CAMK2A: variants seen among roughly 807,000 people sequenced by gnomAD.
CAMK2A encodes calcium/calmodulin dependent protein kinase II alpha.
In CAMK2A, 7 loss-of-function variants were observed where a neutral mutation model predicts 79.2. That is an observed-to-expected ratio of 0.09 (90% confidence interval 0.05 to 0.17). The LOEUF is 0.17. CAMK2A is among the 10% of genes least tolerant of loss of function. The probability of loss-of-function intolerance (pLI) is 1.00; values close to 1 mark genes in which losing one functional copy is unlikely to be tolerated. For missense variants in CAMK2A, 214 were observed against 646.4 expected (o/e 0.33, Z 7.25); for synonymous variants, 242 against 251.7 (o/e 0.96, Z 0.36).
At position 150,245,217 on chromosome 5, in the gene CAMK2A, AG is replaced by A; in HGVS notation, c.944-17del. ...CTCTTCCCTCCTGTGGAGGAGAAAA[AG>A]TAGAGGGTTAACAACGCCAGGCAGG... On this transcript the variant is annotated splice_polypyrimidine_tract_variant and intron_variant, in intron 12 of 18. Transcript: ENST00000671881. 1 of 1,613,102 alleles carries A rather than the reference AG, an allele frequency of 6.2e-7. No homozygotes were observed. The highest frequency in any genetic ancestry group is 8.5e-7 in the Non-Finnish European group (1 of 1,179,480).
intron 2 of CAMK2A, among the ~76,000 whole-genome samples, chr5:150,270,723 C>T (rs1324418633): frequency 6.6e-6 from 1 of 152,150 alleles, no homozygotes; most frequent in African/African-American, 2.4e-5. Flanking sequence ...CCCTGATAAC[C>T]TCCCCACCCC....
chr5:150,284,226 C>T lies in CAMK2A; in HGVS notation c.62+5338G>A, dbSNP rs1377601418. ...AGAACACAGAGAAAGACAAGCCCTGCTAGCACCATCTTGCTATCCCTGCAC... is the reference window on the plus strand; with the variant it reads ...AGAACACAGAGAAAGACAAGCCCTGTTAGCACCATCTTGCTATCCCTGCAC... On this transcript the variant is annotated intron_variant, in intron 1 of 18. Transcript: ENST00000671881. This position sits in a 1 kb window ranked among gnomAD's most constrained non-coding sequence, Gnocchi z 5.3. 2.0e-5 allele frequency among the ~76,000 whole-genome samples: 3 copies of T among 152,212 alleles called. No individual in the cohort carries two copies. The highest frequency in any genetic ancestry group is 2.1e-4 in the South Asian group (1 of 4,834).
rs1482219553 is a variant in CAMK2A, at chr5:150,284,134, GGAC to G, written c.62+5427_62+5429del. ...TGCAGAAGGGGACTGCAGCAAAGAG[GGAC>G]AGAGACAGAGGCAGAGTGAGACCAG... On this transcript the variant is annotated intron_variant, in intron 1 of 18. Coordinates refer to ENST00000671881, the MANE Select transcript of CAMK2A (RefSeq NM_015981.4). This position sits in a 1 kb window ranked among gnomAD's most constrained non-coding sequence, Gnocchi z 5.3. Among the ~76,000 whole-genome samples, 3 of 152,164 alleles carry G rather than the reference GGAC, an allele frequency of 2.0e-5. No homozygotes were observed. The highest frequency in any genetic ancestry group is 7.2e-5 in the African/African-American group (3 of 41,436).
chr5:150,263,997 C>T (rs77329726), intron 3 of CAMK2A, among the ~76,000 whole-genome samples: 4,579 of 152,202 alleles, frequency 0.03, 234 homozygotes, highest in African/African-American at 0.1. Context: ...GAGAGTTAAC[C>T]CTTGGGGCCC....
chr5:150,262,035 C>T (rs934148231), intron 3 of CAMK2A, among the ~76,000 whole-genome samples: 1 of 152,212 alleles, frequency 6.6e-6, no homozygotes, highest in African/African-American at 2.4e-5. Flanking sequence ...GGCCTTCTGG[C>T]GTCTCCCTCA....
intron 2 of CAMK2A, among the ~76,000 whole-genome samples, chr5:150,268,951 G>C (rs1455255572): frequency 6.6e-6 from 1 of 151,894 alleles, no homozygotes; most frequent in Non-Finnish European, 1.5e-5. Context: ...TTTTAATAGA[G>C]ATGGGGGTCT....
Position 150,256,961 on chromosome 5 carries a change from G to C in CAMK2A, c.273-130C>G. ...CTCAGCCACAAAAGGAGGGGCCCCA[G>C]GGTCACGGGGGTGTCCCCTGCTGCA... On this transcript the variant is annotated intron_variant, in intron 4 of 18. Coordinates refer to ENST00000671881, the MANE Select transcript of CAMK2A (RefSeq NM_015981.4). The surrounding 1 kb of genome is among the most constrained non-coding windows in gnomAD (Gnocchi z 4.6). 1 of 662,538 alleles carries C rather than the reference G, an allele frequency of 1.5e-6. No homozygotes were observed. Among genetic ancestry groups the C allele is most frequent in the Non-Finnish European group, 2.6e-6 (1 of 387,642 alleles). 41.0% of individuals were successfully genotyped at this position (662,538 alleles called of 1,614,324 possible). A position where few individuals can be genotyped will look rare whatever the true frequency, so the allele number is the denominator to read the frequency against.
At chr5:150,237,359 A>T (rs1755124701) in intron 15 of CAMK2A, among the ~76,000 whole-genome samples, 3 of 86,580 alleles carry the variant, frequency 3.5e-5, no homozygotes, top group Non-Finnish European at 5.4e-5. Context: ...CTTTTTTTAT[A>T]TTTCAGAGAC....
chr5:150,264,098 C>G (rs1369184579), intron 3 of CAMK2A, among the ~76,000 whole-genome samples: 2 of 152,164 alleles, frequency 1.3e-5, no homozygotes. Flanking sequence ...GGCCCTGCTC[C>G]TCAGTGCGGT....
intron 1 of CAMK2A, 69 bp from the exon 2 acceptor site, chr5:150,273,228 G>A: frequency 8.3e-7 from 1 of 1,197,874 alleles, no homozygotes. Flanking sequence ...AGATGTTGGA[G>A]TTCACATCAC....
chr5:150,242,367 A>G (rs1298139111), intron 13 of CAMK2A, among the ~76,000 whole-genome samples: 1 of 152,186 alleles, frequency 6.6e-6, no homozygotes, highest in East Asian at 1.9e-4. Flanking sequence ...TAGAAACAGT[A>G]TGGTCAAAAT....
chr5:150,255,128 CTAAT>C (rs1755999651), intron 6 of CAMK2A, among the ~76,000 whole-genome samples: 1 of 152,238 alleles, frequency 6.6e-6, no homozygotes, highest in African/African-American at 2.4e-5. Context: ...GAATGTGTCA[CTAAT>C]TATTATATCC....
chr5:150,279,047 A>G (rs940396682), intron 1 of CAMK2A, among the ~76,000 whole-genome samples: 1 of 152,090 alleles, frequency 6.6e-6, no homozygotes, highest in Non-Finnish European at 1.5e-5. Context: ...TTCATCTACA[A>G]TGTGGAGGCT....
At chr5:150,262,333 G>C (rs1416590346) in intron 3 of CAMK2A, among the ~76,000 whole-genome samples, 4 of 152,188 alleles carry the variant, frequency 2.6e-5, no homozygotes, top group Non-Finnish European at 5.9e-5. Context: ...TTCGGGTTTT[G>C]AGCCCACATC....
intron 3 of CAMK2A, 117 bp downstream of exon 3, chr5:150,264,839 C>G (rs1300965272): frequency 2.6e-6 from 2 of 758,682 alleles, no homozygotes; most frequent in African/African-American, 3.4e-5. Flanking sequence ...TCTGCTGCCT[C>G]CATCCCCAGA....
In CAMK2A at chr5:150,222,693, G is replaced by C. The variant is rs563702310; in HGVS notation, c.*17C>G. 1 of 1,613,786 alleles carries C rather than the reference G, an allele frequency of 6.2e-7. No homozygotes were observed. Among genetic ancestry groups the C allele is most frequent in the South Asian group, 1.1e-5 (1 of 91,068 alleles). Reference sequence around the variant, plus strand: ...GATCTCTGCGGCACAGCAACGCAGCGACCCCAGCCTGGTCCCTCAGCTGTA... The same window carrying C: ...GATCTCTGCGGCACAGCAACGCAGCCACCCCAGCCTGGTCCCTCAGCTGTA... On this transcript the variant is annotated 3_prime_UTR_variant, in exon 19 of 19. Transcript: ENST00000671881.
Position 150,256,535 on chromosome 5 carries a change from G to A in CAMK2A, c.411+38C>T, listed in dbSNP as rs1450499772. The A allele has an allele frequency of 6.8e-7, 1 of 1,480,554 alleles. No individual in the cohort carries two copies. Among genetic ancestry groups the A allele is most frequent in the Non-Finnish European group, 9.4e-7 (1 of 1,060,656 alleles). The allele number at this position is 1,480,554 out of a possible 1,614,324, so 91.7% of individuals were successfully genotyped here. On this transcript the variant is annotated intron_variant, in intron 6 of 18. Coordinates refer to ENST00000671881, the MANE Select transcript of CAMK2A (RefSeq NM_015981.4). The surrounding 1 kb of genome is among the most constrained non-coding windows in gnomAD (Gnocchi z 4.6). Reference sequence around the variant, plus strand: ...TTAGGGACGTGCAGAGGAGAGAGGGGCTCCCGGGGTGAGCCACACCCACGG... The same window carrying A: ...TTAGGGACGTGCAGAGGAGAGAGGGACTCCCGGGGTGAGCCACACCCACGG...
chr5:150,244,122 T>G (rs560523404), intron 13 of CAMK2A, among the ~76,000 whole-genome samples: 1 of 152,356 alleles, frequency 6.6e-6, no homozygotes, highest in African/African-American at 2.4e-5. Context: ...TGTTTGTTTT[T>G]AAAGCTGCAA....
chr5:150,265,020 AAC>A lies in CAMK2A; in HGVS notation c.158-7_158-6del. 1 of 1,612,040 alleles carries A rather than the reference AAC, an allele frequency of 6.2e-7. No individual in the cohort carries two copies. The highest frequency in any genetic ancestry group is 8.5e-7 in the Non-Finnish European group (1 of 1,178,188). ...CACGCTCCAGCTTCTGATGGTCTGA[AAC>A]ACAGAGGCTCATGTGAGTCCCCGGT... On this transcript the variant is annotated splice_polypyrimidine_tract_variant and splice_region_variant and intron_variant, in intron 2 of 18. Coordinates refer to ENST00000671881, the MANE Select transcript of CAMK2A (RefSeq NM_015981.4).
Sources: allele counts gnomAD v4.1 joint callset (sites outside exome capture counted in the v4.1 genomes callset), GRCh38; gene constraint gnomAD v4.1.1; non-coding constraint Gnocchi (gnomAD v3.1); transcripts MANE v1.5; gene names NCBI Gene and HGNC (gene_info 2026-07-23, HGNC 2026-07-21).